TECRL: variants seen among roughly 807,000 people sequenced by gnomAD.
The protein encoded by TECRL is trans-2,3-enoyl-CoA reductase like.
Under a neutral mutation model 52.8 loss-of-function variants are expected in TECRL, and 63 were observed. The ratio of observed to expected loss-of-function variants is 1.19; its 90% CI spans 0.97 to 1.47. The LOEUF (loss-of-function observed/expected upper bound fraction) is 1.47, where lower values mean the gene tolerates loss of function less well. Among genes scored for constraint, TECRL ranks in the 40% most tolerant of loss-of-function variants. TECRL has a pLI of 0.00. For missense variants in TECRL, 482 were observed against 429.6 expected, an observed-to-expected ratio of 1.12 and a Z score of -1.08; for synonymous variants, 164 against 141.9, an observed-to-expected ratio of 1.16 and a Z score of -1.10.
At chr4:64,334,730 C>T (rs983738424) in intron 2 of TECRL, among the ~76,000 whole-genome samples, 1 of 152,058 alleles carries the variant, frequency 6.6e-6, no homozygotes, top group African/African-American at 2.4e-5. Flanking sequence ...CTGAATTATA[C>T]AATAAAAAAT....
At chr4:64,302,011 A>C (rs1382468932) in intron 7 of TECRL, among the ~76,000 whole-genome samples, 2 of 151,288 alleles carry the variant, frequency 1.3e-5, no homozygotes, top group Non-Finnish European at 3.0e-5. Context: ...ATAACCTAAT[A>C]GGCCATTATT....
At chr4:64,390,131 G>A (rs1372651325) in intron 1 of TECRL, among the ~76,000 whole-genome samples, 2 of 151,838 alleles carry the variant, frequency 1.3e-5, no homozygotes, top group African/African-American at 4.8e-5. Context: ...TAGAAGCCAG[G>A]CAGCTACAAT....
chr4:64,373,961 A>G (rs1722161604), intron 2 of TECRL, among the ~76,000 whole-genome samples: 1 of 144,830 alleles, frequency 6.9e-6, no homozygotes, highest in Admixed American at 7.1e-5. Context: ...TACACACTAT[A>G]TGTATACAGT....
chr4:64,339,635 C>T (rs1719405265), intron 2 of TECRL, among the ~76,000 whole-genome samples: 2 of 151,922 alleles, frequency 1.3e-5, no homozygotes, highest in African/African-American at 4.8e-5. Flanking sequence ...ATGATTTTAA[C>T]ATCACTTTAA....
At chr4:64,281,430 T>C (rs766902035) in intron 10 of TECRL, 44 bp downstream of exon 10, 3 of 1,146,482 alleles carry the variant, frequency 2.6e-6, no homozygotes, top group Non-Finnish European at 3.8e-6. Flanking sequence ...GCATTTAGTA[T>C]ATCATGAATA....
chr4:64,384,026 G>A (rs1432496849), intron 1 of TECRL, among the ~76,000 whole-genome samples: 2 of 152,054 alleles, frequency 1.3e-5, no homozygotes, highest in African/African-American at 4.8e-5. Context: ...GGTACTCAGA[G>A]GCTTAGGCTG....
intron 8 of TECRL, among the ~76,000 whole-genome samples, chr4:64,290,297 C>T (rs573555354): frequency 9.6e-4 from 54 of 56,388 alleles, no homozygotes; most frequent in Non-Finnish European, 1.6e-3. Context: ...TACTAGTTGT[C>T]CCTGTTAATA....
At chr4:64,282,450 T>C (rs570032228) in intron 9 of TECRL, among the ~76,000 whole-genome samples, 19 of 152,080 alleles carry the variant, frequency 1.2e-4, no homozygotes, top group Non-Finnish European at 2.5e-4. Flanking sequence ...TTAAAAATTA[T>C]GCTAAGTATT....
intron 2 of TECRL, among the ~76,000 whole-genome samples, chr4:64,349,763 C>T (rs113457417): frequency 0.018 from 2,676 of 152,138 alleles, 87 homozygotes; most frequent in African/African-American, 0.061. Flanking sequence ...TACAGGAATT[C>T]GACCCATGAA....
At position 64,370,633 on chromosome 4, in the gene TECRL, G is replaced by T. The variant is rs1370924297; in HGVS notation, c.286+4539C>A. Reference sequence around the variant, plus strand: ...GTAATATCATCCTAATTTCATAAGGGTGTTATTTCTGATGGTTCCCTCTAT... The same window carrying T: ...GTAATATCATCCTAATTTCATAAGGTTGTTATTTCTGATGGTTCCCTCTAT... On this transcript the variant is annotated intron_variant, in intron 2 of 11. Coordinates refer to ENST00000381210, the MANE Select transcript of TECRL (RefSeq NM_001010874.5). 2.0e-5 allele frequency among the ~76,000 whole-genome samples: 3 copies of T among 151,700 alleles called. No homozygotes were observed. In the East Asian group the frequency reaches 5.8e-4, roughly 29 times the overall value.
At chr4:64,388,716 T>A (rs1056915719) in intron 1 of TECRL, among the ~76,000 whole-genome samples, 3 of 151,904 alleles carry the variant, frequency 2.0e-5, no homozygotes, top group Non-Finnish European at 4.4e-5. Context: ...AGTATTTTAG[T>A]TTTCCTCATG....
In TECRL at chr4:64,280,950, A is replaced by G. The variant is rs1364807968; in HGVS notation, c.964+91T>C. 7.2e-6 allele frequency: 6 copies of G among 827,698 alleles called. No individual in the cohort carries two copies. In the African/African-American group the frequency reaches 8.7e-5, roughly 12 times the overall value. 51.3% of individuals were successfully genotyped at this position (827,698 alleles called of 1,614,324 possible). ...TATGAAATCCTTTTACAATCATGCT[A>G]TACTTTAGTACTATAATAACTTTTT... is the stretch of plus-strand genomic sequence containing the variant. On this transcript the variant is annotated intron_variant, in intron 11 of 11. Transcript: ENST00000381210.
intron 1 of TECRL, among the ~76,000 whole-genome samples, chr4:64,381,930 T>C (rs1265714252): frequency 2.6e-5 from 4 of 151,864 alleles, no homozygotes; most frequent in African/African-American, 9.7e-5. Context: ...TATGGTTTGG[T>C]TTCAGGATAA....
chr4:64,394,907 ATTTT>A (rs751448355), intron 1 of TECRL, among the ~76,000 whole-genome samples: 111 of 105,098 alleles, frequency 1.1e-3, no homozygotes, highest in African/African-American at 3.5e-3. Context: ...ATTAACAAGC[ATTTT>A]TTTTTTTTTT....
chr4:64,290,712 C>A (rs148702190), intron 8 of TECRL, among the ~76,000 whole-genome samples: 398 of 152,134 alleles, frequency 2.6e-3, no homozygotes, highest in Non-Finnish European at 4.4e-3. Context: ...TATATTTCAA[C>A]ACTTTCTAAA....
intron 2 of TECRL, among the ~76,000 whole-genome samples, chr4:64,330,659 T>A (rs1718576021): frequency 6.6e-6 from 1 of 151,958 alleles, no homozygotes; most frequent in Non-Finnish European, 1.5e-5. Context: ...GTTTAATTAA[T>A]CACAAAACTT....
intron 2 of TECRL, among the ~76,000 whole-genome samples, chr4:64,360,554 G>A (rs1444982431): frequency 6.6e-6 from 1 of 152,094 alleles, no homozygotes; most frequent in African/African-American, 2.4e-5. Flanking sequence ...GACGGAGTCA[G>A]GAAGAACTTC....
At chr4:64,385,034 G>A (rs1187962127) in intron 1 of TECRL, among the ~76,000 whole-genome samples, 2 of 152,182 alleles carry the variant, frequency 1.3e-5, no homozygotes, top group East Asian at 1.9e-4. Context: ...ATGGCCGTGG[G>A]TGGGGTGGAT....
At chr4:64,362,598 C>G (rs1721275777) in intron 2 of TECRL, among the ~76,000 whole-genome samples, 1 of 150,630 alleles carries the variant, frequency 6.6e-6, no homozygotes, top group Non-Finnish European at 1.5e-5. Context: ...AATATCCAGT[C>G]AATTGAGCTT....
Sources: allele counts gnomAD v4.1 joint callset (sites outside exome capture counted in the v4.1 genomes callset), GRCh38; gene constraint gnomAD v4.1.1; transcripts MANE v1.5; gene names NCBI Gene and HGNC (gene_info 2026-07-23, HGNC 2026-07-21).